ACCS: variants seen among roughly 807,000 people sequenced by gnomAD.
ACCS encodes 1-aminocyclopropane-1-carboxylate synthase-like protein 1.
A neutral mutation model predicts 59.8 loss-of-function variants in ACCS; 42 were observed. The ratio of observed to expected loss-of-function variants is 0.70; its 90% confidence interval spans 0.55 to 0.91. The LOEUF is 0.91. ACCS is among the 40% of genes least tolerant of loss of function. The probability of loss-of-function intolerance (pLI) is 0.00; values close to 1 mark genes in which losing one functional copy is unlikely to be tolerated. For synonymous variants in ACCS, 230 were observed against 240.3 expected, an observed-to-expected ratio of 0.96 and a Z score of 0.40; for missense variants, 602 against 630.4, an observed-to-expected ratio of 0.95 and a Z score of 0.48.
chr11:44,068,448 TA>T (rs1302012000), intron 2 of ACCS, among the ~76,000 whole-genome samples: 1 of 151,626 alleles, frequency 6.6e-6, no homozygotes, highest in Non-Finnish European at 1.5e-5. Context: ...AAGGTAAAAA[TA>T]AAAAAATTAA....
intron 3 of ACCS, chr11:44,071,747 T>C (rs178519): frequency 0.78 from 125,803 of 160,366 alleles, 49,916 homozygotes; most frequent in East Asian, 0.92. Flanking sequence ...GAGAGCTGCA[T>C]GGGCACACTT....
In ACCS at chr11:44,083,986, T is replaced by G; in HGVS notation, c.*194T>G. The G allele has an allele frequency of 6.6e-6, 8 of 1,218,274 alleles. No homozygotes were observed. Among genetic ancestry groups the G allele is most frequent in the Non-Finnish European group, 8.8e-6 (8 of 906,268 alleles). The allele number at this position is 1,218,274 out of a possible 1,614,324, so 75.5% of individuals were successfully genotyped here. A position where few individuals can be genotyped will look rare whatever the true frequency, so the allele number is the denominator to read the frequency against. On this transcript the variant is annotated 3_prime_UTR_variant, in exon 15 of 15. Coordinates refer to ENST00000263776, the MANE Select transcript of ACCS (RefSeq NM_032592.4). ...TTAAGCTGTGGTTCAGCCTGGGCCC[T>G]CCCTCTCTCCTATTAAACAAAACTA... is the stretch of plus-strand genomic sequence containing the variant.
chr11:44,078,930 G>A lies in ACCS; in HGVS notation c.833+146G>A, dbSNP rs375420783. 17 of 623,494 alleles carry A rather than the reference G, an allele frequency of 2.7e-5. No individual in the cohort carries two copies. The East Asian group carries it at 3.0e-4, about 11-fold the overall frequency. 38.6% of individuals were successfully genotyped at this position (623,494 alleles called of 1,614,324 possible). On this transcript the variant is annotated intron_variant, in intron 9 of 14. Coordinates refer to ENST00000263776, the MANE Select transcript of ACCS (RefSeq NM_032592.4). ...TCCTTGGCAGTGGAGCGGGGAAGCAGGGATTTGTGGGATGCCCATTCCTCT... is the reference window on the plus strand; with the variant it reads ...TCCTTGGCAGTGGAGCGGGGAAGCAAGGATTTGTGGGATGCCCATTCCTCT...
At chr11:44,071,748 G>A (rs1565171997) in intron 3 of ACCS, 1 of 158,670 alleles carries the variant, frequency 6.3e-6, no homozygotes, top group East Asian at 1.8e-4. Context: ...AGAGCTGCAT[G>A]GGCACACTTA....
Position 44,066,612 on chromosome 11 carries a change from G to T in ACCS, c.-90G>T, listed in dbSNP as rs1228715699. On this transcript the variant is annotated 5_prime_UTR_variant, in exon 1 of 15. Coordinates refer to ENST00000263776, the MANE Select transcript of ACCS (RefSeq NM_032592.4). ...CTGGACGCCTGGAGGCTCGAACCCC[G>T]CCGCCCCCCTACCCCAGGCTTTACT... is the stretch of plus-strand genomic sequence containing the variant. The T allele has an allele frequency of 6.6e-6, 1 of 152,274 alleles. No individual in the cohort carries two copies. The allele number at this position is 152,274 out of a possible 1,614,324, so 9.4% of individuals were successfully genotyped here.
chr11:44,083,334 C>A (rs528125747), intron 13 of ACCS, 23 bp downstream of exon 13: 1 of 1,613,400 alleles, frequency 6.2e-7, no homozygotes. Flanking sequence ...GAGGTGCGGG[C>A]TGAGAGGGAG....
At chr11:44,077,125 GC>G (rs1429305623) in intron 6 of ACCS, among the ~76,000 whole-genome samples, 153 bp from the exon 7 acceptor site, 3 of 152,132 alleles carry the variant, frequency 2.0e-5, no homozygotes, top group South Asian at 2.1e-4. Context: ...GTGGATCCAA[GC>G]TTTCCAAAGT....
intron 3 of ACCS, chr11:44,071,777 T>C (rs149676583): frequency 3.9e-5 from 6 of 154,976 alleles, no homozygotes; most frequent in African/African-American, 1.4e-4. Context: ...TTTCACCATA[T>C]AGACATGTAG....
intron 4 of ACCS, 58 bp from the exon 5 acceptor site, chr11:44,074,554 G>A: frequency 7.4e-7 from 1 of 1,342,390 alleles, no homozygotes; most frequent in Non-Finnish European, 1.1e-6. Flanking sequence ...AGGAGCTTCA[G>A]GATGCACCGT....
intron 10 of ACCS, chr11:44,080,765 C>G (rs749308508): frequency 4.1e-4 from 227 of 553,488 alleles, no homozygotes; most frequent in Non-Finnish European, 6.6e-4. Flanking sequence ...GAGCTAGGCT[C>G]TAGATCATGG....
intron 10 of ACCS, chr11:44,080,721 T>A: frequency 2.2e-6 from 1 of 445,572 alleles, no homozygotes; most frequent in Non-Finnish European, 4.1e-6. Context: ...CCAGGGGGAG[T>A]GGTTAGGGAA....
Position 44,083,762 on chromosome 11 carries a change from G to A in ACCS, c.1476G>A (p.Gln492=). 1 of 1,613,688 alleles carries A rather than the reference G, an allele frequency of 6.2e-7. No individual in the cohort carries two copies. Among genetic ancestry groups the A allele is most frequent in the Non-Finnish European group, 8.5e-7 (1 of 1,179,772 alleles). ...SQVAEDPRPS[Q]SQEPSDQRR is the part of the protein sequence containing the mutation. ...TGGCAGAAGACCCCCGTCCCTCTCA[G>A]AGCCAGGAGCCAAGTGACCAACGCA... Residue 492 remains glutamine, a synonymous_variant, in exon 15 of 15, where the codon CAG becomes CAA. Transcript: ENST00000263776.
chr11:44,075,859 G>T, intron 6 of ACCS: 1 of 440,430 alleles, frequency 2.3e-6, no homozygotes, highest in East Asian at 3.4e-5. Context: ...GTCCTCACGT[G>T]ACAGTGTGTC....
At position 44,077,895 on chromosome 11, in the gene ACCS, G is replaced by C; in HGVS notation, c.705G>C (p.Glu235Asp). The C allele has an allele frequency of 6.2e-7, 1 of 1,614,108 alleles. No homozygotes were observed. The highest frequency in any genetic ancestry group is 8.5e-7 in the Non-Finnish European group (1 of 1,179,982). ...RPFQLTVEKL[E>D]MALREAHSEG... ...TCCAGCTCACAGTGGAGAAGCTGGAGATGGCCCTGAGAGAAGCTCACTCTG... is the reference window on the plus strand; with the variant it reads ...TCCAGCTCACAGTGGAGAAGCTGGACATGGCCCTGAGAGAAGCTCACTCTG... The change falls in exon 8 of 15, where the codon GAG (glutamate) becomes GAC (aspartate). Residue 235 changes from glutamate to aspartate, a missense_variant. Physicochemically the swap from Glu to Asp is conservative, Grantham distance 45. Coordinates refer to ENST00000263776, the MANE Select transcript of ACCS (RefSeq NM_032592.4).
intron 6 of ACCS, among the ~76,000 whole-genome samples, chr11:44,076,877 G>A (rs1330028311): frequency 1.3e-5 from 2 of 152,214 alleles, no homozygotes; most frequent in Admixed American, 1.3e-4. Context: ...GAGGAGCAAA[G>A]TCACATCTTA....
chr11:44,069,695 G>C (rs936718788), intron 2 of ACCS, among the ~76,000 whole-genome samples: 8 of 152,164 alleles, frequency 5.3e-5, no homozygotes, highest in African/African-American at 1.7e-4. Context: ...TTCTCCACGT[G>C]GGCTTCTTCA....
rs1953223166 is a variant in ACCS at position 44,074,698 on chromosome 11, A to G, written c.489+17A>G. 1.3e-6 allele frequency: 2 copies of G among 1,516,518 alleles called. No individual in the cohort carries two copies. Among genetic ancestry groups the G allele is most frequent in the Non-Finnish European group, 1.8e-6 (2 of 1,132,226 alleles). 93.9% of individuals were successfully genotyped at this position (1,516,518 alleles called of 1,614,324 possible). ...CCAGAGAATGTGAGTGGCCCCCTCC[A>G]CTGCTCCTTCCTGTTCTCCTGCCTC... On this transcript the variant is annotated intron_variant, in intron 5 of 14. Coordinates refer to ENST00000263776, the MANE Select transcript of ACCS (RefSeq NM_032592.4).
chr11:44,070,314 T>A lies in ACCS; in HGVS notation c.289-942T>A, dbSNP rs527882730. Among the ~76,000 whole-genome samples, 4 of 152,144 alleles carry A rather than the reference T, an allele frequency of 2.6e-5. No individual in the cohort carries two copies. The East Asian group carries it at 7.8e-4, about 29-fold the overall frequency. On this transcript the variant is annotated intron_variant, in intron 2 of 14. Transcript: ENST00000263776. ...GAGGGGAGGGAAGCTGTTGTAATAA[T>A]ATAGACAAGAAATGATGGTGGCTTA...
chr11:44,070,548 C>T (rs1299134859), intron 2 of ACCS, among the ~76,000 whole-genome samples: 1 of 152,184 alleles, frequency 6.6e-6, no homozygotes, highest in Non-Finnish European at 1.5e-5. Flanking sequence ...TTCACTCCCC[C>T]TGCAGTAACT....
Sources: allele counts gnomAD v4.1 joint callset (sites outside exome capture counted in the v4.1 genomes callset), GRCh38; gene constraint gnomAD v4.1.1; transcripts MANE v1.5; gene names NCBI Gene and HGNC (gene_info 2026-07-23, HGNC 2026-07-21).